Variants in SLC8A1 observed in about 807,000 individuals in gnomAD.
SLC8A1 encodes sodium/calcium exchanger 1.
SLC8A1 carries 18 observed loss-of-function variants against 68.3 expected under a neutral mutation model. The observed-to-expected ratio is 0.26, with a 90% CI of 0.18 to 0.39. The LOEUF is 0.39. SLC8A1 is among the 10% of genes least tolerant of loss of function. The probability of loss-of-function intolerance (pLI) is 1.00; values close to 1 mark genes in which losing one functional copy is unlikely to be tolerated. For synonymous variants in SLC8A1, 475 were observed against 415.5 expected (o/e 1.14, Z -1.74); for missense variants, 985 against 1,156.7 (o/e 0.85, Z 2.15).
intron 2 of SLC8A1, among the ~76,000 whole-genome samples, chr2:40,402,904 A>G (rs1218108294): frequency 6.6e-6 from 1 of 152,194 alleles, no homozygotes; most frequent in African/African-American, 2.4e-5. Flanking sequence ...AGCTACCAAC[A>G]CAATTGTGCC....
At chr2:40,145,819 A>T (rs2148334445) in intron 6 of SLC8A1, among the ~76,000 whole-genome samples, 1 of 152,372 alleles carries the variant, frequency 6.6e-6, no homozygotes, top group South Asian at 2.1e-4. Context: ...TGTCTTGCTC[A>T]TAAAATGATC....
In SLC8A1 at chr2:40,505,262, G is replaced by T. The variant is rs1356001617; in HGVS notation, c.-25+7087C>A. 2.6e-5 allele frequency among the ~76,000 whole-genome samples: 4 copies of T among 151,912 alleles called. No homozygotes were observed. In the East Asian group the frequency reaches 7.8e-4, roughly 29 times the overall value. ...AAAAATAGTTAGAAAGAATGAATAA[G>T]ATCTACTATTTGCTAGCACATCAGG... is the stretch of plus-strand genomic sequence containing the variant. On this transcript the variant is annotated intron_variant, in intron 1 of 7. Coordinates refer to the SLC8A1 transcript ENST00000402441.
chr2:40,199,050 A>G (rs2053632773), intron 2 of SLC8A1, among the ~76,000 whole-genome samples: 1 of 151,598 alleles, frequency 6.6e-6, no homozygotes, highest in African/African-American at 2.4e-5. Context: ...TAGTAATACA[A>G]TTAATAAATA....
chr2:40,207,598 A>G (rs1488312036), intron 2 of SLC8A1, among the ~76,000 whole-genome samples: 1 of 152,156 alleles, frequency 6.6e-6, no homozygotes, highest in East Asian at 1.9e-4. Flanking sequence ...ATATATTTTT[A>G]TATTAAACAA....
intron 2 of SLC8A1, among the ~76,000 whole-genome samples, chr2:40,331,051 C>T (rs1488578221): frequency 6.6e-6 from 1 of 152,134 alleles, no homozygotes; most frequent in East Asian, 1.9e-4. Context: ...ATGCTAGGAG[C>T]ATCAGCTTTG....
intron 7 of SLC8A1, among the ~76,000 whole-genome samples, chr2:40,133,748 T>G (rs1191454070): frequency 6.7e-6 from 1 of 149,958 alleles, no homozygotes; most frequent in African/African-American, 2.5e-5. Context: ...CTCCCTGCAG[T>G]TAAAGGAGGA....
At chr2:40,283,415 G>A (rs1039873857) in intron 2 of SLC8A1, among the ~76,000 whole-genome samples, 1 of 152,150 alleles carries the variant, frequency 6.6e-6, no homozygotes, top group Admixed American at 6.6e-5. Context: ...CAGTTATTTG[G>A]AGAGTATTAA....
chr2:40,179,379 G>T (rs149611247), intron 2 of SLC8A1, among the ~76,000 whole-genome samples: 1 of 152,152 alleles, frequency 6.6e-6, no homozygotes, highest in Non-Finnish European at 1.5e-5. Flanking sequence ...GCCTTATGGC[G>T]CTATGGCTAT....
chr2:40,151,208 G>C, intron 6 of SLC8A1, among the ~76,000 whole-genome samples: 1 of 152,106 alleles, frequency 6.6e-6, no homozygotes, highest in African/African-American at 2.4e-5. Context: ...GTGATATGAA[G>C]TTTGACATAG....
chr2:40,132,754 C>T (rs1215634385), intron 7 of SLC8A1, among the ~76,000 whole-genome samples: 2 of 148,008 alleles, frequency 1.4e-5, no homozygotes, highest in Non-Finnish European at 3.0e-5. Flanking sequence ...AGGATCTAAG[C>T]GTCAAAAAAA....
At chr2:40,254,650 T>C (rs1038653731) in intron 2 of SLC8A1, 2 of 152,220 alleles carry the variant, frequency 1.3e-5, no homozygotes, top group Non-Finnish European at 2.9e-5. Flanking sequence ...CTACAACACA[T>C]ACACTCCAAG....
chr2:40,450,980 G>A (rs1443431295), intron 1 of SLC8A1, among the ~76,000 whole-genome samples: 1 of 152,142 alleles, frequency 6.6e-6, no homozygotes, highest in Non-Finnish European at 1.5e-5. Flanking sequence ...GGGGGGGATA[G>A]AGAAGAGGCG....
chr2:40,171,171 C>G (rs1317634114), intron 4 of SLC8A1, among the ~76,000 whole-genome samples: 2 of 152,200 alleles, frequency 1.3e-5, no homozygotes. Context: ...CTCTGACTCT[C>G]AGGCTTCTCA....
At chr2:40,218,164 T>G (rs1005165873) in intron 2 of SLC8A1, among the ~76,000 whole-genome samples, 3 of 152,228 alleles carry the variant, frequency 2.0e-5, no homozygotes, top group Non-Finnish European at 4.4e-5. Flanking sequence ...AAGAATGAAT[T>G]AGATCTAAGT....
rs1449313056 is a variant in SLC8A1 at position 40,428,721 on chromosome 2, G to A, written c.1560C>T (p.Cys520=). 4.3e-6 allele frequency: 7 copies of A among 1,613,668 alleles called. No individual in the cohort carries two copies. The African/African-American group carries it at 6.7e-5, about 15-fold the overall frequency. Residue 520 remains cysteine, a synonymous_variant, in exon 2 of 8, where the codon TGC becomes TGT. Transcript: ENST00000406785. ...CAGTGGCAGTGGAGGGAGATCCGAG[G>A]CAAGCAAGTGTAGAAACATGATTGG...
chr2:40,212,841 C>T (rs771581944), intron 2 of SLC8A1, among the ~76,000 whole-genome samples: 2 of 152,170 alleles, frequency 1.3e-5, no homozygotes, highest in African/African-American at 2.4e-5. Context: ...TGCTATCAGC[C>T]ACATGTAGAC....
chr2:40,241,776 T>C (rs1052752882), intron 2 of SLC8A1, among the ~76,000 whole-genome samples: 22 of 152,208 alleles, frequency 1.4e-4, no homozygotes, highest in Non-Finnish European at 2.9e-4. Flanking sequence ...ACCTGTCACT[T>C]GTCATAGCCC....
intron 1 of SLC8A1, among the ~76,000 whole-genome samples, chr2:40,510,495 A>T (rs919994821): frequency 9.2e-5 from 14 of 152,210 alleles, no homozygotes; most frequent in African/African-American, 3.1e-4. Context: ...GTTCACAAAC[A>T]CTAGTGGCAT....
intron 2 of SLC8A1, among the ~76,000 whole-genome samples, chr2:40,417,278 T>C (rs35707998): frequency 0.26 from 40,080 of 151,924 alleles, 5,516 homozygotes; most frequent in Middle Eastern, 0.33. Context: ...GTAATATGCA[T>C]AGTACCAAAT....
Sources: gnomAD v4.1 joint callset for allele counts (sites outside exome capture counted in the v4.1 genomes callset) on GRCh38, gnomAD v4.1.1 for gene constraint, MANE v1.5 for transcripts, NCBI Gene and HGNC (gene_info 2026-07-23, HGNC 2026-07-21) for gene names.